The following TBX19 variants were observed in gnomAD, a reference collection of about 807,000 sequenced individuals.
The protein encoded by TBX19 is T-box transcription factor 19.
Under a neutral mutation model 40.9 loss-of-function variants are expected in TBX19, and 33 were observed. That is an observed-to-expected ratio of 0.81 (90% confidence interval 0.61 to 1.08). The LOEUF (loss-of-function observed/expected upper bound fraction) is 1.08. Among genes scored for constraint, TBX19 ranks in the 50% least tolerant of loss-of-function variants. The probability of loss-of-function intolerance (pLI) is 0.00; values close to 1 mark genes in which losing one functional copy is unlikely to be tolerated. For synonymous variants in TBX19, 220 were observed against 225.0 expected (o/e 0.98, Z 0.20); for missense variants, 494 against 574.0 (o/e 0.86, Z 1.42).
intron 4 of TBX19, among the ~76,000 whole-genome samples, chr1:168,298,756 C>G (rs1311655216): frequency 7.1e-6 from 1 of 140,810 alleles, no homozygotes; most frequent in East Asian, 2.1e-4. Flanking sequence ...CTTCCCTTCC[C>G]TTCCATTCCC....
At chr1:168,288,858 T>C (rs1339459078) in intron 1 of TBX19, among the ~76,000 whole-genome samples, 2 of 152,196 alleles carry the variant, frequency 1.3e-5, no homozygotes, top group Non-Finnish European at 2.9e-5. Context: ...CCTTCCATGC[T>C]CAAGTGATCC....
At chr1:168,298,210 T>C (rs1053505639) in intron 4 of TBX19, among the ~76,000 whole-genome samples, 6 of 152,030 alleles carry the variant, frequency 3.9e-5, no homozygotes, top group African/African-American at 1.4e-4. Flanking sequence ...AAAAAAGAAA[T>C]AGGCTTTCAA....
At chr1:168,305,724 T>C (rs1476674603) in intron 6 of TBX19, among the ~76,000 whole-genome samples, 1 of 152,240 alleles carries the variant, frequency 6.6e-6, no homozygotes, top group Non-Finnish European at 1.5e-5. Flanking sequence ...TAATTTTTGC[T>C]GTCTGTTTGT....
At chr1:168,282,037 G>A (rs187699312) in intron 1 of TBX19, among the ~76,000 whole-genome samples, 9 of 152,258 alleles carry the variant, frequency 5.9e-5, no homozygotes, top group Admixed American at 3.3e-4. Context: ...ATTTCACTTC[G>A]TAGAGGAGAC....
At position 168,293,290 on chromosome 1, in the gene TBX19, TGTGTGTGTGTGTGTGTG is replaced by T. The variant is rs1648996989; in HGVS notation, c.603+13_603+29del. On this transcript the variant is annotated intron_variant, in intron 3 of 7. Transcript: ENST00000367821. The stretch of plus-strand genomic sequence containing the variant: ...ATCAGAATGAGGAGGTAAGAGTGTG[TGTGTGTGTGTGTGTGTG>T]TGTGTGTGTGTGTGTGTGTAACTGT... The T allele has an allele frequency of 7.3e-7, 1 of 1,370,634 alleles. No homozygotes were observed. The highest frequency in any genetic ancestry group is 1.5e-5 in the African/African-American group (1 of 66,800). 84.9% of individuals were successfully genotyped at this position (1,370,634 alleles called of 1,614,324 possible).
intron 7 of TBX19, among the ~76,000 whole-genome samples, chr1:168,311,975 C>G (rs1322154954): frequency 1.3e-5 from 2 of 152,074 alleles, no homozygotes; most frequent in Non-Finnish European, 2.9e-5. Context: ...TCCAATGTGC[C>G]GAATGTGCAA....
At chr1:168,294,375 G>T (rs768532996) in intron 3 of TBX19, among the ~76,000 whole-genome samples, 1 of 151,128 alleles carries the variant, frequency 6.6e-6, no homozygotes, top group African/African-American at 2.4e-5. Context: ...CTCTTGTTGC[G>T]CAGGCTGGAG....
intron 1 of TBX19, among the ~76,000 whole-genome samples, chr1:168,288,461 G>C (rs1648856835): frequency 1.3e-5 from 2 of 152,138 alleles, no homozygotes; most frequent in Admixed American, 1.3e-4. Flanking sequence ...CCAGCACTTT[G>C]GGAGGCTGAG....
intron 3 of TBX19, among the ~76,000 whole-genome samples, chr1:168,295,607 C>T (rs946284002): frequency 6.6e-6 from 1 of 152,226 alleles, no homozygotes; most frequent in Admixed American, 6.5e-5. Flanking sequence ...AATGAACTAG[C>T]TAATAATGTA....
In TBX19 at chr1:168,281,801, G is replaced by A. The variant is rs549559908; in HGVS notation, c.203+508G>A. 3.3e-5 allele frequency among the ~76,000 whole-genome samples: 5 copies of A among 152,334 alleles called. No individual in the cohort carries two copies. In the South Asian group the frequency reaches 6.2e-4, roughly 19 times the overall value. On this transcript the variant is annotated intron_variant, in intron 1 of 7. Transcript: ENST00000367821. Reference sequence around the variant, plus strand: ...TATCACTTCATCTGCTTCCCCGTGTGTGTTTGTGGTGAGTGTTCATTTGAG... The same window carrying A: ...TATCACTTCATCTGCTTCCCCGTGTATGTTTGTGGTGAGTGTTCATTTGAG...
intron 2 of TBX19, among the ~76,000 whole-genome samples, chr1:168,292,362 A>G (rs909687455): frequency 2.0e-5 from 3 of 152,206 alleles, no homozygotes; most frequent in African/African-American, 7.2e-5. Context: ...TTTGACTCAG[A>G]GAGAGTGTAG....
At chr1:168,300,642 A>G (rs1184200419) in intron 5 of TBX19, among the ~76,000 whole-genome samples, 159 bp downstream of exon 5, 2 of 152,202 alleles carry the variant, frequency 1.3e-5, no homozygotes, top group Non-Finnish European at 2.9e-5. Context: ...TGCCCTTTCC[A>G]GAATTCCAGA....
intron 7 of TBX19, among the ~76,000 whole-genome samples, chr1:168,310,850 A>G (rs1649504741): frequency 6.8e-6 from 1 of 147,462 alleles, no homozygotes; most frequent in East Asian, 1.9e-4. Flanking sequence ...ATAAAAATAT[A>G]ACAGTATATG....
chr1:168,291,216 A>G lies in TBX19; in HGVS notation c.260A>G (p.Tyr87Cys). The G allele has an allele frequency of 1.2e-6, 2 of 1,613,938 alleles. No individual in the cohort carries two copies. The highest frequency in any genetic ancestry group is 1.7e-6 in the Non-Finnish European group (2 of 1,180,016). ...ACAGGGTTGGACCCCAATGCCATGT[A>G]CTCCCTCCTGCTGGACTTTGTCCCT... ...SVTGLDPNAM[Y>C]SLLLDFVPTD... The change falls in exon 2 of 8, where the codon TAC becomes TGC. Residue 87 changes from tyrosine (Y) to cysteine (C), a missense_variant. Transcript: ENST00000367821.
rs1648633487 is a variant in TBX19, at chr1:168,281,044, A to G, written c.-47A>G. 6.3e-7 allele frequency: 1 copy of G among 1,586,298 alleles called. No individual in the cohort carries two copies. Among genetic ancestry groups the G allele is most frequent in the African/African-American group, 1.3e-5 (1 of 74,500 alleles). On this transcript the variant is annotated 5_prime_UTR_variant, in exon 1 of 8. Transcript: ENST00000367821. Reference sequence around the variant, plus strand: ...CAAGTGAGGGAAGGAAGAAGCTAGAAGCAGGCAAGTTGGGTAACGGCTCTC... The same window carrying G: ...CAAGTGAGGGAAGGAAGAAGCTAGAGGCAGGCAAGTTGGGTAACGGCTCTC...
In TBX19 at chr1:168,298,824, T is replaced by TCC. The variant is rs1558192751; in HGVS notation, c.665+1039_665+1040insCC. ...TCCCCTCCCTCCCTCCCTCCCTTCC[T>TCC]TTCTTTCTTTCTTTCTTTCTTTCTT... On this transcript the variant is annotated intron_variant, in intron 4 of 7. Coordinates refer to ENST00000367821, the MANE Select transcript of TBX19 (RefSeq NM_005149.3). 3.2e-3 allele frequency among the ~76,000 whole-genome samples: 42 copies of TCC among 13,322 alleles called. 2 individuals carry two copies. Among genetic ancestry groups the TCC allele is most frequent in the African/African-American group, 0.011 (25 of 2,350 alleles). The allele number at this position is 13,322 out of a possible 152,430, so 8.7% of individuals were successfully genotyped here.
In TBX19 at chr1:168,308,505, G is replaced by C. The variant is rs926755634; in HGVS notation, c.917-237G>C. The C allele has an allele frequency of 5.6e-6, 3 of 532,952 alleles. No homozygotes were observed. In the South Asian group the frequency reaches 6.0e-5, roughly 11 times the overall value. The allele number at this position is 532,952 out of a possible 1,614,324, so 33.0% of individuals were successfully genotyped here. A position where few individuals can be genotyped will look rare whatever the true frequency, so the allele number is the denominator to read the frequency against. On this transcript the variant is annotated intron_variant, in intron 6 of 7. Transcript: ENST00000367821. ...CTACCACCCTGAGGCGTATCTATAA[G>C]ATGGAGTTAAGGAGTCACTGGTGTG...
intron 6 of TBX19, 134 bp from the exon 7 acceptor site, chr1:168,308,608 T>C (rs1189172967): frequency 7.9e-6 from 9 of 1,138,410 alleles, no homozygotes; most frequent in Non-Finnish European, 1.2e-5. Context: ...TCTATTTCCC[T>C]GAGAAAGAAC....
chr1:168,302,119 C>CT (rs1217412590), intron 5 of TBX19, among the ~76,000 whole-genome samples: 11 of 152,170 alleles, frequency 7.2e-5, no homozygotes, highest in Admixed American at 6.5e-5. Flanking sequence ...TTGCAATCTT[C>CT]TCAGCAAACT....
Sources: gnomAD v4.1 joint callset for allele counts (sites outside exome capture counted in the v4.1 genomes callset) on GRCh38, gnomAD v4.1.1 for gene constraint, MANE v1.5 for transcripts, NCBI Gene and HGNC (gene_info 2026-07-23, HGNC 2026-07-21) for gene names.